The following IFI16 variants were observed in gnomAD, a reference collection of about 807,000 sequenced individuals.
The protein encoded by IFI16 is interferon gamma inducible protein 16, also known as gamma-interferon-inducible protein 16.
In IFI16, 49 loss-of-function variants were observed where a neutral mutation model predicts 68.4. The observed-to-expected ratio is 0.72, with a 90% CI of 0.57 to 0.91. The LOEUF (loss-of-function observed/expected upper bound fraction) is 0.91. IFI16 is among the 40% of genes least tolerant of loss of function. The pLI, the probability that IFI16 is intolerant of heterozygous loss-of-function variation, is 0.00. For missense variants in IFI16, 878 were observed against 942.9 expected (o/e 0.93, Z 0.90); for synonymous variants, 307 against 315.0 (o/e 0.97, Z 0.27).
upstream of IFI16, among the ~76,000 whole-genome samples, chr1:159,002,008 G>A (rs541068196): frequency 3.3e-5 from 5 of 152,252 alleles, no homozygotes; most frequent in African/African-American, 1.2e-4. Flanking sequence ...CATGAAGCCT[G>A]GAAGACACAA....
At chr1:159,036,314 CAA>C (rs1654327987) in intron 7 of IFI16, among the ~76,000 whole-genome samples, 1 of 152,154 alleles carries the variant, frequency 6.6e-6, no homozygotes, top group African/African-American at 2.4e-5. Context: ...TCAAAATTCA[CAA>C]AGACAGTGAG....
At chr1:159,005,238 A>G (rs1308938552), upstream of IFI16, among the ~76,000 whole-genome samples, 1 of 152,246 alleles carries the variant, frequency 6.6e-6, no homozygotes, top group Non-Finnish European at 1.5e-5. Flanking sequence ...CCCAGTCTAT[A>G]GTATTCCATT....
chr1:159,053,249 C>T (rs1366088575), intron 10 of IFI16: 4 of 243,882 alleles, frequency 1.6e-5, no homozygotes, highest in Non-Finnish European at 3.1e-5. Flanking sequence ...TAAAAAATCC[C>T]AGCTGTGCTG....
upstream of IFI16, among the ~76,000 whole-genome samples, chr1:159,008,053 G>T (rs1324079373): frequency 1.3e-5 from 2 of 152,158 alleles, no homozygotes; most frequent in Non-Finnish European, 2.9e-5. Flanking sequence ...TGACATAAAT[G>T]TTTCTGCACA....
At chr1:159,043,907 C>T (rs1462558588) in intron 7 of IFI16, among the ~76,000 whole-genome samples, 1 of 152,270 alleles carries the variant, frequency 6.6e-6, no homozygotes, top group Non-Finnish European at 1.5e-5. Flanking sequence ...AATTACATTG[C>T]TACACATGGC....
At position 159,052,039 on chromosome 1, in the gene IFI16, A is replaced by G; in HGVS notation, c.2026A>G (p.Asn676Asp). Reference sequence around the variant, plus strand: ...AAGTGCCAGCGTAACTCCTAAAATCAATCAGCTTTGCTCACAAACTAAAGG... The same window carrying G: ...AAGTGCCAGCGTAACTCCTAAAATCGATCAGCTTTGCTCACAAACTAAAGG... ...IRSASVTPKINQLCSQTKGSF... is the reference protein window; with the variant it reads ...IRSASVTPKIDQLCSQTKGSF... The change falls in exon 10 of 12, where the codon AAT (asparagine) becomes GAT (aspartate). Residue 676 changes from asparagine (N) to aspartate (D), a missense_variant. Physicochemically the swap from Asn to Asp is conservative, Grantham distance 23 (BLOSUM62 1). Around this residue, in one of 4 missense-constraint regions of IFI16, gnomAD observed 311 missense variants for 305.1 expected, o/e 1.02. Coordinates refer to ENST00000295809, the MANE Select transcript of IFI16 (RefSeq NM_001376587.1). The G allele has an allele frequency of 6.2e-7, 1 of 1,613,972 alleles. No homozygotes were observed. Among genetic ancestry groups the G allele is most frequent in the Non-Finnish European group, 8.5e-7 (1 of 1,179,952 alleles).
chr1:159,037,875 G>A (rs1204749030), intron 7 of IFI16, among the ~76,000 whole-genome samples: 2 of 151,874 alleles, frequency 1.3e-5, no homozygotes, highest in Non-Finnish European at 2.9e-5. Flanking sequence ...AAAATGCACA[G>A]AACATAAAAT....
intron 6 of IFI16, among the ~76,000 whole-genome samples, chr1:159,030,217 T>G (rs1571862672): frequency 6.6e-6 from 1 of 152,160 alleles, no homozygotes; most frequent in East Asian, 1.9e-4. Flanking sequence ...ATTTTTTAAA[T>G]TTCTTTAAGT....
Position 159,045,461 on chromosome 1 carries a change from C to T in IFI16, c.1494C>T (p.Thr498=). Residue 498 remains threonine, a synonymous_variant, in exon 8 of 12, where the codon ACC becomes ACT. Transcript: ENST00000295809. The part of the protein sequence containing the change: ...PPSTPSSSFL[T]TKSEDTISKM... ...CAACACCAAGCAGCAGTTTCTTAAC[C>T]ACGGTACAAGTTCCCTCTTCCCAAT... The T allele has an allele frequency of 1.2e-6, 2 of 1,601,738 alleles. No homozygotes were observed. Among genetic ancestry groups the T allele is most frequent in the Non-Finnish European group, 1.7e-6 (2 of 1,172,810 alleles).
intron 7 of IFI16, among the ~76,000 whole-genome samples, chr1:159,042,889 C>G (rs1654747326): frequency 6.6e-6 from 1 of 152,150 alleles, no homozygotes; most frequent in Admixed American, 6.5e-5. Context: ...CGTTATGGGG[C>G]CTATACCCAA....
At chr1:159,046,362 A>G (rs1433385055) in intron 8 of IFI16, among the ~76,000 whole-genome samples, 2 of 151,174 alleles carry the variant, frequency 1.3e-5, no homozygotes, top group Non-Finnish European at 3.0e-5. Flanking sequence ...GTTATGGAAA[A>G]TTGGCCACAT....
intron 9 of IFI16, among the ~76,000 whole-genome samples, chr1:159,050,611 C>G (rs762432438): frequency 2.0e-5 from 3 of 152,170 alleles, no homozygotes; most frequent in Non-Finnish European, 4.4e-5. Flanking sequence ...GCCGTCCTGC[C>G]TCCATGTTCT....
At chr1:159,045,254 A>G (rs1375280399) in intron 7 of IFI16, 43 bp from the exon 8 acceptor site, 1 of 949,484 alleles carries the variant, frequency 1.1e-6, no homozygotes, top group South Asian at 1.7e-5. Flanking sequence ...GATCTTGAAA[A>G]ACATTAACTA....
chr1:159,023,434 G>A (rs1653462617), intron 6 of IFI16, among the ~76,000 whole-genome samples: 1 of 151,978 alleles, frequency 6.6e-6, no homozygotes, highest in Non-Finnish European at 1.5e-5. Context: ...AGTAGATATA[G>A]TTTATTTAGT....
intron 8 of IFI16, among the ~76,000 whole-genome samples, chr1:159,049,078 A>G (rs1468756444): frequency 6.7e-6 from 1 of 150,156 alleles, no homozygotes; most frequent in African/African-American, 2.5e-5. Flanking sequence ...TAGTTAATAA[A>G]TGTCCATAAA....
upstream of IFI16, among the ~76,000 whole-genome samples, chr1:159,003,854 G>T (rs1652152465): frequency 6.6e-6 from 1 of 151,944 alleles, no homozygotes; most frequent in Non-Finnish European, 1.5e-5. Context: ...TAGAGACGGG[G>T]TTTCACTGTG....
At chr1:159,019,604 G>A (rs1212953177) in intron 5 of IFI16, among the ~76,000 whole-genome samples, 7 of 152,158 alleles carry the variant, frequency 4.6e-5, no homozygotes, top group East Asian at 1.9e-4. Flanking sequence ...GACTACAGGC[G>A]TGTGCCATCA....
intron 6 of IFI16, 132 bp from the exon 7 acceptor site, chr1:159,032,392 A>T (rs535862508): frequency 3.7e-5 from 20 of 537,160 alleles, no homozygotes; most frequent in Admixed American, 8.0e-5. Flanking sequence ...GGAGGGATAC[A>T]TTAGAGAGAG....
At chr1:159,041,968 G>A (rs1654675353) in intron 7 of IFI16, among the ~76,000 whole-genome samples, 1 of 152,164 alleles carries the variant, frequency 6.6e-6, no homozygotes, top group Non-Finnish European at 1.5e-5. Context: ...GACATGTGAT[G>A]TTTTCTTAGC....
Sources: allele counts gnomAD v4.1 joint callset (sites outside exome capture counted in the v4.1 genomes callset), GRCh38; gene constraint gnomAD v4.1.1; regional missense constraint gnomAD v4.1.1; transcripts MANE v1.5; gene names NCBI Gene and HGNC (gene_info 2026-07-23, HGNC 2026-07-21).